The following ASTN2 variants were observed in gnomAD, a reference collection of about 807,000 sequenced individuals.
ASTN2 encodes the protein astrotactin 2.
ASTN2 carries 54 observed loss-of-function variants against 139.8 expected under a neutral mutation model. The observed-to-expected ratio is 0.39, with a 90% CI of 0.31 to 0.48. The LOEUF (loss-of-function observed/expected upper bound fraction) is 0.48. Among genes scored for constraint, ASTN2 ranks in the 20% least tolerant of loss-of-function variants. The probability of loss-of-function intolerance (pLI) is 0.95; values close to 1 mark genes in which losing one functional copy is unlikely to be tolerated. For missense variants in ASTN2, 1,565 were observed against 1,725.1 expected (o/e 0.91, Z 1.64); for synonymous variants, 756 against 719.5 (o/e 1.05, Z -0.81).
chr9:117,215,086 T>G (rs888175007), intron 2 of ASTN2, among the ~76,000 whole-genome samples: 1 of 152,132 alleles, frequency 6.6e-6, no homozygotes, highest in African/African-American at 2.4e-5. Flanking sequence ...GATAGCTCAG[T>G]GGCAGGAAGG....
At chr9:117,188,427 G>A (rs917529187) in intron 3 of ASTN2, among the ~76,000 whole-genome samples, 1 of 152,120 alleles carries the variant, frequency 6.6e-6, no homozygotes, top group African/African-American at 2.4e-5. Context: ...GGGTGGGGTG[G>A]AGGAGAGTGA....
At chr9:117,236,136 G>A (rs1833037994) in intron 2 of ASTN2, among the ~76,000 whole-genome samples, 1 of 152,180 alleles carries the variant, frequency 6.6e-6, no homozygotes, top group African/African-American at 2.4e-5. Flanking sequence ...TTCACCAAAT[G>A]AGTTATCCAA....
intron 16 of ASTN2, among the ~76,000 whole-genome samples, chr9:116,724,322 TC>T (rs1225279629): frequency 6.6e-6 from 1 of 152,162 alleles, no homozygotes; most frequent in Non-Finnish European, 1.5e-5. Context: ...ACGGAGCTAT[TC>T]CCAGACAACT....
At chr9:117,391,028 C>A (rs12551446) in intron 1 of ASTN2, among the ~76,000 whole-genome samples, 27,024 of 152,104 alleles carry the variant, frequency 0.18, 2,759 homozygotes, top group East Asian at 0.41. Context: ...GGCTTTGCAT[C>A]CATAGATTTA....
chr9:117,175,732 G>A (rs888116012), intron 3 of ASTN2, among the ~76,000 whole-genome samples: 1 of 152,048 alleles, frequency 6.6e-6, no homozygotes, highest in Non-Finnish European at 1.5e-5. Context: ...CATGGTTAAA[G>A]ACTGAAATGT....
At chr9:117,362,600 C>G (rs1410590315) in intron 1 of ASTN2, among the ~76,000 whole-genome samples, 1 of 152,118 alleles carries the variant, frequency 6.6e-6, no homozygotes, top group Non-Finnish European at 1.5e-5. Flanking sequence ...TGTTCCCTTT[C>G]CTGGCTCCTT....
rs12342772 is a variant in ASTN2 at position 116,499,261 on chromosome 9, C to T, written c.3356-11761G>A. 5.7e-3 allele frequency among the ~76,000 whole-genome samples: 875 copies of T among 152,224 alleles called. 7 individuals are homozygous for T. The highest frequency in any genetic ancestry group is 0.02 in the African/African-American group (840 of 41,530). Reference sequence around the variant, plus strand: ...TTGTCCATGTTGTTCATGATTTCCCCAGTGTCTAGCAGAGTGTGGGGGGCA... The same window carrying T: ...TTGTCCATGTTGTTCATGATTTCCCTAGTGTCTAGCAGAGTGTGGGGGGCA... On this transcript the variant is annotated intron_variant, in intron 19 of 22. Transcript: ENST00000313400.
At chr9:117,295,526 T>A (rs1834708269) in intron 1 of ASTN2, among the ~76,000 whole-genome samples, 2 of 152,030 alleles carry the variant, frequency 1.3e-5, no homozygotes, top group South Asian at 4.2e-4. Flanking sequence ...AATCACTGAG[T>A]TACATACATA....
intron 10 of ASTN2, among the ~76,000 whole-genome samples, chr9:116,940,625 T>C (rs1459580198): frequency 6.6e-6 from 1 of 152,212 alleles, no homozygotes; most frequent in East Asian, 1.9e-4. Flanking sequence ...AAGCTAAGTG[T>C]TACTACAAGT....
At chr9:116,601,488 T>C (rs1854896414) in intron 19 of ASTN2, among the ~76,000 whole-genome samples, 1 of 152,136 alleles carries the variant, frequency 6.6e-6, no homozygotes, top group Non-Finnish European at 1.5e-5. Flanking sequence ...AAGTGGCTAA[T>C]GTGAGGACTA....
At chr9:116,916,323 A>G (rs1447250559) in intron 10 of ASTN2, among the ~76,000 whole-genome samples, 1 of 152,204 alleles carries the variant, frequency 6.6e-6, no homozygotes, top group Admixed American at 6.5e-5. Context: ...GAAAATTCAC[A>G]GAGTAGCAAC....
intron 11 of ASTN2, among the ~76,000 whole-genome samples, chr9:116,827,386 T>C (rs1278827413): frequency 7.9e-6 from 1 of 125,792 alleles, no homozygotes; most frequent in Non-Finnish European, 1.7e-5. Context: ...AGAAAAGAAA[T>C]AACAAAGATC....
At chr9:117,060,372 A>AAGAT (rs1178518842) in intron 5 of ASTN2, among the ~76,000 whole-genome samples, 1 of 72,408 alleles carries the variant, frequency 1.4e-5, no homozygotes, top group African/African-American at 7.6e-5. Flanking sequence ...GAAAGAAAGA[A>AAGAT]AGAAAGAAAG....
At chr9:116,906,212 G>A (rs989341235) in intron 10 of ASTN2, among the ~76,000 whole-genome samples, 2 of 152,096 alleles carry the variant, frequency 1.3e-5, no homozygotes, top group Non-Finnish European at 2.9e-5. Flanking sequence ...AATAACATAA[G>A]TGATAAGGAT....
chr9:116,941,392 C>T (rs528202376), intron 10 of ASTN2, among the ~76,000 whole-genome samples: 4 of 151,600 alleles, frequency 2.6e-5, no homozygotes, highest in Non-Finnish European at 4.4e-5. Context: ...TTCTGTACAC[C>T]TTTCACCCAG....
intron 1 of ASTN2, among the ~76,000 whole-genome samples, chr9:117,402,081 T>C (rs1359235018): frequency 6.6e-6 from 1 of 152,194 alleles, no homozygotes; most frequent in Non-Finnish European, 1.5e-5. Context: ...GTTGTTGTTT[T>C]TTTGAGACAG....
At chr9:117,351,293 G>A (rs775257147) in intron 1 of ASTN2, among the ~76,000 whole-genome samples, 1 of 152,128 alleles carries the variant, frequency 6.6e-6, no homozygotes, top group South Asian at 2.1e-4. Context: ...TAAGCATGGC[G>A]CTCAAGGTCT....
chr9:117,335,773 A>G (rs1828861983), intron 1 of ASTN2, among the ~76,000 whole-genome samples: 1 of 152,052 alleles, frequency 6.6e-6, no homozygotes, highest in Non-Finnish European at 1.5e-5. Flanking sequence ...AAGAACTCAG[A>G]GCAAGAAGAA....
chr9:117,213,480 T>G (rs1282262242), intron 3 of ASTN2, among the ~76,000 whole-genome samples: 1 of 152,200 alleles, frequency 6.6e-6, no homozygotes, highest in Non-Finnish European at 1.5e-5. Context: ...GATCAATGTT[T>G]AAGATGATTG....
Sources: gnomAD v4.1 joint callset for allele counts (sites outside exome capture counted in the v4.1 genomes callset) on GRCh38, gnomAD v4.1.1 for gene constraint, MANE v1.5 for transcripts, NCBI Gene and HGNC (gene_info 2026-07-23, HGNC 2026-07-21) for gene names.